PLGRKT: variants seen among roughly 807,000 people sequenced by gnomAD.
PLGRKT encodes plasminogen receptor with a C-terminal lysine.
A neutral mutation model predicts 18.5 loss-of-function variants in PLGRKT; 22 were observed. The ratio of observed to expected loss-of-function variants is 1.19; its 90% CI spans 0.85 to 1.70. The LOEUF (loss-of-function observed/expected upper bound fraction) is 1.70. Ranked by LOEUF, PLGRKT falls within the 40% of genes most tolerant of loss-of-function variation. PLGRKT has a pLI of 0.00. For missense variants in PLGRKT, 235 were observed against 174.4 expected, an observed-to-expected ratio of 1.35 and a Z score of -1.96; for synonymous variants, 72 against 52.8, an observed-to-expected ratio of 1.36 and a Z score of -1.58.
rs1817732115 is a variant in PLGRKT at position 5,380,956 on chromosome 9, A to G, written c.82-19068T>C. On this transcript the variant is annotated intron_variant, in intron 3 of 5. Transcript: ENST00000223864. ...TCATGATAGTGAGCGAGTTCTCAGAAGACCTGATGGTTTAAAAGTGTGGCA... is the reference window on the plus strand; with the variant it reads ...TCATGATAGTGAGCGAGTTCTCAGAGGACCTGATGGTTTAAAAGTGTGGCA... Among the ~76,000 whole-genome samples the G allele has an allele frequency of 2.0e-5, 3 of 152,162 alleles. No homozygotes were observed. In the South Asian group the frequency reaches 6.2e-4, roughly 31 times the overall value.
chr9:5,375,998 C>A (rs1446402629), intron 3 of PLGRKT, among the ~76,000 whole-genome samples: 1 of 152,262 alleles, frequency 6.6e-6, no homozygotes, highest in African/African-American at 2.4e-5. Context: ...CATATACACA[C>A]AACAGGATAT....
At chr9:5,416,148 G>C (rs73641605) in intron 3 of PLGRKT, among the ~76,000 whole-genome samples, 5,068 of 151,802 alleles carry the variant, frequency 0.033, 287 homozygotes, top group African/African-American at 0.12. Context: ...TAAAAATATG[G>C]ATTCACTTTT....
chr9:5,367,444 C>A (rs940076869), intron 3 of PLGRKT, among the ~76,000 whole-genome samples: 1 of 152,152 alleles, frequency 6.6e-6, no homozygotes, highest in African/African-American at 2.4e-5. Flanking sequence ...CACATACCTA[C>A]AACCATCTGA....
At chr9:5,437,015 T>A (rs1014321969) in intron 1 of PLGRKT, among the ~76,000 whole-genome samples, 1 of 152,202 alleles carries the variant, frequency 6.6e-6, no homozygotes, top group African/African-American at 2.4e-5. Context: ...TAAACATCAC[T>A]GTGTCTCAGA....
At chr9:5,372,781 A>G (rs1563769212) in intron 3 of PLGRKT, among the ~76,000 whole-genome samples, 1 of 152,128 alleles carries the variant, frequency 6.6e-6, no homozygotes, top group Non-Finnish European at 1.5e-5. Flanking sequence ...GAGTCTGGAA[A>G]TGTTCTCTGT....
At chr9:5,428,551 G>A (rs1360320663) in intron 3 of PLGRKT, among the ~76,000 whole-genome samples, 1 of 152,206 alleles carries the variant, frequency 6.6e-6, no homozygotes, top group Non-Finnish European at 1.5e-5. Flanking sequence ...AGGACAGGAA[G>A]CAGCACCCAT....
chr9:5,374,791 A>G (rs561198235), intron 3 of PLGRKT, among the ~76,000 whole-genome samples: 26 of 152,386 alleles, frequency 1.7e-4, no homozygotes, highest in African/African-American at 6.3e-4. Flanking sequence ...TTTCTGGAAA[A>G]TAATACTTCC....
chr9:5,433,354 G>C (rs935045498), intron 2 of PLGRKT, among the ~76,000 whole-genome samples: 2 of 149,484 alleles, frequency 1.3e-5, no homozygotes, highest in African/African-American at 5.0e-5. Flanking sequence ...CATCGTCTGG[G>C]GTGTGAGGAG....
At position 5,361,786 on chromosome 9, in the gene PLGRKT, C is replaced by CA; in HGVS notation, c.183dup (p.Gly62TrpfsTer13). On this transcript the variant is annotated frameshift_variant, in exon 4 of 6. Coordinates refer to ENST00000223864, the MANE Select transcript of PLGRKT (RefSeq NM_018465.4). LOFTEE classifies it high-confidence loss of function. ...GCTGTTAAAGAGATGGCTGCAAGGC[C>CA]AAAAAAAGTTCCAAAATATTTGAGG... The CA allele has an allele frequency of 2.5e-6, 4 of 1,612,348 alleles. No individual in the cohort carries two copies. Among genetic ancestry groups the CA allele is most frequent in the Non-Finnish European group, 3.4e-6 (4 of 1,179,414 alleles).
In PLGRKT at chr9:5,424,516, TATAA is replaced by T. The variant is rs1183628671; in HGVS notation, c.81+7377_81+7380del. On this transcript the variant is annotated intron_variant, in intron 3 of 5. Transcript: ENST00000223864. ...TATTATTAACATATAATATATAACATATAAATATATATTATTAACATATATGTTA... is the reference window on the plus strand; with the variant it reads ...TATTATTAACATATAATATATAACATATATATATTATTAACATATATGTTA... Among the ~76,000 whole-genome samples, 14 of 111,388 alleles carry T rather than the reference TATAA, an allele frequency of 1.3e-4. No homozygotes were observed. The Admixed American group carries it at 1.3e-3, about 11-fold the overall frequency. The allele number at this position is 111,388 out of a possible 152,430, so 73.1% of individuals were successfully genotyped here.
intron 3 of PLGRKT, chr9:5,381,983 C>G (rs750712794): frequency 2.0e-6 from 2 of 985,352 alleles, no homozygotes; most frequent in Non-Finnish European, 2.4e-6. Flanking sequence ...GCACTCCTCC[C>G]CTGGCTTGTT....
At chr9:5,431,388 G>C (rs987734882) in intron 3 of PLGRKT, among the ~76,000 whole-genome samples, 4 of 151,948 alleles carry the variant, frequency 2.6e-5, no homozygotes, top group African/African-American at 9.7e-5. Flanking sequence ...ACAAAAATTA[G>C]CCGGGAGTGG....
intron 3 of PLGRKT, among the ~76,000 whole-genome samples, chr9:5,363,529 G>A (rs1294883900): frequency 6.6e-6 from 1 of 152,156 alleles, no homozygotes; most frequent in Non-Finnish European, 1.5e-5. Flanking sequence ...CTTGGCCGCT[G>A]AGGGAGACGG....
intron 3 of PLGRKT, among the ~76,000 whole-genome samples, chr9:5,364,458 C>T (rs1817338851): frequency 6.6e-6 from 1 of 152,160 alleles, no homozygotes; most frequent in East Asian, 1.9e-4. Context: ...TGTCAAAACT[C>T]ATAAAACTTT....
At chr9:5,374,939 C>T (rs941239267) in intron 3 of PLGRKT, among the ~76,000 whole-genome samples, 5 of 151,970 alleles carry the variant, frequency 3.3e-5, no homozygotes, top group African/African-American at 1.2e-4. Context: ...TCTAAGATTT[C>T]TACAGAAAGG....
At chr9:5,378,870 G>A (rs1483141361) in intron 3 of PLGRKT, among the ~76,000 whole-genome samples, 1 of 151,990 alleles carries the variant, frequency 6.6e-6, no homozygotes, top group African/African-American at 2.4e-5. Flanking sequence ...AAATCAACAA[G>A]CTTAATATGT....
intron 3 of PLGRKT, among the ~76,000 whole-genome samples, chr9:5,395,457 G>A (rs1017597958): frequency 2.0e-5 from 3 of 151,874 alleles, no homozygotes; most frequent in Non-Finnish European, 4.4e-5. Context: ...CAGTAGTTCT[G>A]ACCATTGATG....
At chr9:5,433,744 A>T (rs1818887500) in intron 2 of PLGRKT, among the ~76,000 whole-genome samples, 1 of 132,894 alleles carries the variant, frequency 7.5e-6, no homozygotes, top group African/African-American at 3.0e-5. Flanking sequence ...GGATGTGAGG[A>T]GCGCCTTTGC....
At chr9:5,371,986 C>CTTATTTTTTTTTTTTTTTT (rs1817527328) in intron 3 of PLGRKT, among the ~76,000 whole-genome samples, 1 of 89,152 alleles carries the variant, frequency 1.1e-5, no homozygotes, top group African/African-American at 5.1e-5. Context: ...TCAGAAAATC[C>CTTATTTTTTTTTTTTTTTT]TTTTTTTTTT....
Sources: gnomAD v4.1 joint callset for allele counts (sites outside exome capture counted in the v4.1 genomes callset) on GRCh38, gnomAD v4.1.1 for gene constraint, MANE v1.5 for transcripts, NCBI Gene and HGNC (gene_info 2026-07-23, HGNC 2026-07-21) for gene names.